Variants in GALNT13 observed in about 807,000 individuals in gnomAD.
The protein encoded by GALNT13 is polypeptide N-acetylgalactosaminyltransferase 13.
GALNT13 carries 28 observed loss-of-function variants against 64.2 expected under a neutral mutation model. That is an observed-to-expected ratio of 0.44 (90% CI 0.32 to 0.60). The LOEUF is 0.60. GALNT13 is among the 20% of genes least tolerant of loss of function. The pLI, the probability that GALNT13 is intolerant of heterozygous loss-of-function variation, is 0.05. For missense variants in GALNT13, 577 were observed against 669.8 expected, an observed-to-expected ratio of 0.86 and a Z score of 1.53; for synonymous variants, 214 against 224.6, an observed-to-expected ratio of 0.95 and a Z score of 0.42.
the GALNT13 span, among the ~76,000 whole-genome samples, chr2:153,720,539 A>T: frequency 6.7e-6 from 1 of 149,884 alleles, no homozygotes; most frequent in African/African-American, 2.4e-5. Flanking sequence ...TTCAAACCAA[A>T]GGCAAAGAAG....
chr2:153,674,961 G>A, the GALNT13 span, among the ~76,000 whole-genome samples: 2 of 152,122 alleles, frequency 1.3e-5, no homozygotes, highest in Non-Finnish European at 2.9e-5. Context: ...ATTATCACTG[G>A]TTATCAGAGA....
the GALNT13 span, among the ~76,000 whole-genome samples, chr2:153,152,339 T>G: frequency 6.6e-6 from 1 of 152,030 alleles, no homozygotes; most frequent in Non-Finnish European, 1.5e-5. Context: ...GGTAAAATAT[T>G]GAACTCAACT....
At chr2:153,984,983 C>T (rs1370057066) in intron 3 of GALNT13, among the ~76,000 whole-genome samples, 1 of 151,818 alleles carries the variant, frequency 6.6e-6, no homozygotes, top group Non-Finnish European at 1.5e-5. Context: ...AATCCTGTTG[C>T]TGATGTTTTC....
At chr2:153,204,849 G>A in the GALNT13 span, among the ~76,000 whole-genome samples, 1 of 152,148 alleles carries the variant, frequency 6.6e-6, no homozygotes, top group Non-Finnish European at 1.5e-5. Context: ...CTGTTAAAAG[G>A]TATTCTCTAT....
At chr2:154,180,976 C>A (rs146468148) in intron 4 of GALNT13, among the ~76,000 whole-genome samples, 196 of 152,234 alleles carry the variant, frequency 1.3e-3, no homozygotes, top group African/African-American at 4.6e-3. Context: ...GGTTCCACAT[C>A]CACAGCCACC....
chr2:153,589,514 C>T, the GALNT13 span, among the ~76,000 whole-genome samples: 1 of 152,194 alleles, frequency 6.6e-6, no homozygotes, highest in Non-Finnish European at 1.5e-5. Flanking sequence ...GTGCCCCACT[C>T]TACTGGTACC....
chr2:153,617,334 C>A, the GALNT13 span, among the ~76,000 whole-genome samples: 1 of 151,878 alleles, frequency 6.6e-6, no homozygotes, highest in Non-Finnish European at 1.5e-5. Flanking sequence ...ATGGTTTTAT[C>A]CTTCATTCTG....
the GALNT13 span, among the ~76,000 whole-genome samples, chr2:153,616,333 C>G: frequency 1.3e-5 from 2 of 151,812 alleles, no homozygotes; most frequent in Admixed American, 1.3e-4. Context: ...GTTACTGTAG[C>G]TCTAATGTAA....
the GALNT13 span, among the ~76,000 whole-genome samples, chr2:153,716,524 A>G: frequency 6.8e-3 from 1,036 of 152,228 alleles, 13 homozygotes; most frequent in African/African-American, 0.022. Flanking sequence ...GCAGCTAGTA[A>G]TGACATTTCA....
chr2:154,195,713 GA>G (rs556520569), intron 4 of GALNT13, among the ~76,000 whole-genome samples: 22 of 148,104 alleles, frequency 1.5e-4, no homozygotes, highest in African/African-American at 2.2e-4. Context: ...TTCAAATTTT[GA>G]AAAAAAAAAT....
the GALNT13 span, among the ~76,000 whole-genome samples, chr2:153,768,324 G>A: frequency 2.0e-5 from 3 of 152,140 alleles, no homozygotes; most frequent in African/African-American, 7.2e-5. Flanking sequence ...CTATAGTCCA[G>A]TTTACATCCA....
At chr2:153,830,598 A>T in the GALNT13 span, among the ~76,000 whole-genome samples, 2 of 152,002 alleles carry the variant, frequency 1.3e-5, no homozygotes, top group Non-Finnish European at 2.9e-5. Context: ...CTTAATTTTT[A>T]TATGTTCTTT....
At chr2:153,362,305 A>T in the GALNT13 span, among the ~76,000 whole-genome samples, 1 of 152,122 alleles carries the variant, frequency 6.6e-6, no homozygotes, top group African/African-American at 2.4e-5. Flanking sequence ...TGACACTACG[A>T]AGAAACTGCA....
chr2:153,451,555 G>A, the GALNT13 span, among the ~76,000 whole-genome samples: 2 of 152,228 alleles, frequency 1.3e-5, no homozygotes, highest in Admixed American at 6.5e-5. Context: ...ATTTGCCCAA[G>A]TTTATGCAGT....
At chr2:153,121,118 C>A in the GALNT13 span, among the ~76,000 whole-genome samples, 4 of 152,232 alleles carry the variant, frequency 2.6e-5, no homozygotes, top group South Asian at 8.3e-4. Context: ...TGGATTCAAG[C>A]CCAGTGCATC....
At chr2:153,943,472 T>A (rs188080310) in intron 2 of GALNT13, among the ~76,000 whole-genome samples, 19 of 147,934 alleles carry the variant, frequency 1.3e-4, no homozygotes, top group Middle Eastern at 6.9e-3. Flanking sequence ...TATGTATTTA[T>A]TTTATTTTAT....
At chr2:154,083,303 T>C (rs573581845) in intron 3 of GALNT13, among the ~76,000 whole-genome samples, 1 of 152,202 alleles carries the variant, frequency 6.6e-6, no homozygotes, top group African/African-American at 2.4e-5. Context: ...CATGCTGTTT[T>C]GGTGACTGTA....
chr2:153,492,578 C>T, the GALNT13 span, among the ~76,000 whole-genome samples: 1 of 152,222 alleles, frequency 6.6e-6, no homozygotes, highest in South Asian at 2.1e-4. Flanking sequence ...TCCCACACTG[C>T]TGGGAATAGA....
At chr2:153,949,495 G>A (rs1263588395) in intron 3 of GALNT13, among the ~76,000 whole-genome samples, 1 of 148,826 alleles carries the variant, frequency 6.7e-6, no homozygotes, top group African/African-American at 2.5e-5. Flanking sequence ...GGGCAATATA[G>A]TGAGACTTCA....
Sources: gnomAD v4.1 joint callset for allele counts (sites outside exome capture counted in the v4.1 genomes callset) on GRCh38, gnomAD v4.1.1 for gene constraint, MANE v1.5 for transcripts, NCBI Gene and HGNC (gene_info 2026-07-23, HGNC 2026-07-21) for gene names.